Variants in PAX5 observed in about 807,000 individuals in gnomAD.
PAX5 encodes paired box protein Pax-5.
PAX5 carries 9 observed loss-of-function variants against 43.7 expected under a neutral mutation model. That is an observed-to-expected ratio of 0.21 (90% confidence interval 0.12 to 0.36). The LOEUF (loss-of-function observed/expected upper bound fraction) is 0.36. Among genes scored for constraint, PAX5 ranks in the 10% least tolerant of loss-of-function variants. The pLI is 1.00. For synonymous variants in PAX5, 228 were observed against 214.3 expected (o/e 1.06, Z -0.56); for missense variants, 383 against 532.7 (o/e 0.72, Z 2.77).
chr9:37,001,945 G>T (rs1476358680), intron 5 of PAX5, among the ~76,000 whole-genome samples: 1 of 150,978 alleles, frequency 6.6e-6, no homozygotes, highest in Non-Finnish European at 1.5e-5. Context: ...CCCAGTTAAG[G>T]TGTCCGGTGT....
rs1234661279 is a variant in PAX5, at chr9:36,898,035, T to C, written c.911-15930A>G. On this transcript the variant is annotated intron_variant, in intron 7 of 9. Transcript: ENST00000358127. ...TGCCTGTGCCTCGATGAGCCTTGCT[T>C]TACAATCCTGAAAATGGGAACCATG... 2.0e-5 allele frequency among the ~76,000 whole-genome samples: 3 copies of C among 152,196 alleles called. No homozygotes were observed. In the East Asian group the frequency reaches 5.8e-4, roughly 29 times the overall value.
chr9:36,912,453 C>A (rs1829374438), intron 7 of PAX5, among the ~76,000 whole-genome samples: 1 of 152,244 alleles, frequency 6.6e-6, no homozygotes, highest in South Asian at 2.1e-4. Context: ...GGTAATCTGG[C>A]TTCCCTGCTG....
intron 7 of PAX5, among the ~76,000 whole-genome samples, chr9:36,916,520 G>A (rs368338759): frequency 6.6e-6 from 1 of 152,114 alleles, no homozygotes; most frequent in East Asian, 1.9e-4. Flanking sequence ...GGTTACTTCG[G>A]AGGAGTTGGC....
Position 36,988,932 on chromosome 9 carries a change from A to G in PAX5, c.604+13716T>C, listed in dbSNP as rs7037433. On this transcript the variant is annotated intron_variant, in intron 5 of 9. Transcript: ENST00000358127. The stretch of plus-strand genomic sequence containing the variant: ...TGACAGGTGAGGAAATTGAAGCTCA[A>G]AGAAGCTAAAGCCCTTTGCTGTCAA... 6.7e-3 allele frequency among the ~76,000 whole-genome samples: 1,019 copies of G among 152,340 alleles called. 12 individuals carry two copies. The highest frequency in any genetic ancestry group is 0.024 in the African/African-American group (980 of 41,566).
At chr9:36,927,482 GC>G (rs1396572357) in intron 6 of PAX5, among the ~76,000 whole-genome samples, 1 of 152,148 alleles carries the variant, frequency 6.6e-6, no homozygotes, top group Non-Finnish European at 1.5e-5. Flanking sequence ...ATCAAACAAA[GC>G]TCGTTCAGCC....
intron 7 of PAX5, among the ~76,000 whole-genome samples, chr9:36,890,726 C>T (rs1246537218): frequency 6.6e-6 from 1 of 152,194 alleles, no homozygotes; most frequent in East Asian, 1.9e-4. Flanking sequence ...GTGGCCTCCA[C>T]ACTCTTGCCC....
In PAX5 at chr9:36,853,397, G is replaced by T. The variant is rs191361595; in HGVS notation, c.1013-6468C>A. 3.9e-5 allele frequency among the ~76,000 whole-genome samples: 6 copies of T among 152,002 alleles called. No individual in the cohort carries two copies. The East Asian group carries it at 9.7e-4, about 24-fold the overall frequency. Reference sequence around the variant, plus strand: ...GAAAATTCTCTCATACTGAAGAAGGGGGCCTATTGACCAACCGAGAACCCA... The same window carrying T: ...GAAAATTCTCTCATACTGAAGAAGGTGGCCTATTGACCAACCGAGAACCCA... On this transcript the variant is annotated intron_variant, in intron 8 of 9. Transcript: ENST00000358127.
intron 9 of PAX5, among the ~76,000 whole-genome samples, chr9:36,841,624 C>G (rs774749280): frequency 1.3e-5 from 2 of 152,224 alleles, no homozygotes; most frequent in Non-Finnish European, 2.9e-5. Flanking sequence ...GAGTCTGTCC[C>G]CAGTTCCAGC....
chr9:36,963,053 C>T (rs1015978804), intron 6 of PAX5, among the ~76,000 whole-genome samples: 39 of 152,224 alleles, frequency 2.6e-4, no homozygotes, highest in South Asian at 2.1e-4. Flanking sequence ...GATTGGGAAT[C>T]GGGCACGAGG....
rs371301575 is a variant in PAX5 at position 37,029,857 on chromosome 9, G to T, written c.46+4129C>A. On this transcript the variant is annotated intron_variant, in intron 1 of 9. Coordinates refer to ENST00000358127, the MANE Select transcript of PAX5 (RefSeq NM_016734.3). Reference sequence around the variant, plus strand: ...CGGGTGCAGAACCCGAGGCCCAGAGGCAGGATACGACTTGTCCAAAGTCAC... The same window carrying T: ...CGGGTGCAGAACCCGAGGCCCAGAGTCAGGATACGACTTGTCCAAAGTCAC... Among the ~76,000 whole-genome samples the T allele has an allele frequency of 6.8e-4, 104 of 152,326 alleles. 1 individual carries two copies. Among genetic ancestry groups the T allele is most frequent in the Middle Eastern group, 6.8e-3 (2 of 294 alleles).
chr9:36,875,231 T>C (rs1825810625), intron 8 of PAX5, among the ~76,000 whole-genome samples: 1 of 152,248 alleles, frequency 6.6e-6, no homozygotes, highest in Non-Finnish European at 1.5e-5. Context: ...ACAGCAAACC[T>C]AGCGAAGCTC....
intron 7 of PAX5, among the ~76,000 whole-genome samples, chr9:36,898,726 T>C (rs1206669621): frequency 1.3e-5 from 2 of 152,154 alleles, no homozygotes; most frequent in Non-Finnish European, 2.9e-5. Flanking sequence ...GCGTCTTGAT[T>C]GCAGCTCCCG....
chr9:37,002,881 G>A (rs1054129936), intron 4 of PAX5, 105 bp from the exon 5 acceptor site: 4 of 1,371,134 alleles, frequency 2.9e-6, no homozygotes, highest in Non-Finnish European at 3.9e-6. Flanking sequence ...GCGAGCGCAG[G>A]GTGGGCAGGG....
chr9:36,991,167 C>CGAAAA (rs1402121795), intron 5 of PAX5, among the ~76,000 whole-genome samples: 1 of 151,752 alleles, frequency 6.6e-6, no homozygotes. Flanking sequence ...CTCTCCTTTT[C>CGAAAA]CTAAAGCACC....
intron 7 of PAX5, among the ~76,000 whole-genome samples, chr9:36,889,783 G>A (rs1304921000): frequency 1.3e-5 from 2 of 152,170 alleles, no homozygotes; most frequent in African/African-American, 4.8e-5. Flanking sequence ...TCTTCTGAAG[G>A]AACTATGCTT....
At chr9:36,848,547 C>T (rs1306726751) in intron 8 of PAX5, among the ~76,000 whole-genome samples, 1 of 152,192 alleles carries the variant, frequency 6.6e-6, no homozygotes, top group Non-Finnish European at 1.5e-5. Flanking sequence ...CCGGCATATC[C>T]ATCAGCACCA....
At chr9:37,004,753 A>G (rs1564067441) in intron 4 of PAX5, among the ~76,000 whole-genome samples, 2 of 152,198 alleles carry the variant, frequency 1.3e-5, no homozygotes, top group Admixed American at 6.5e-5. Flanking sequence ...AACAACCACC[A>G]TATATAACCA....
At chr9:36,896,771 C>T (rs570722623) in intron 7 of PAX5, among the ~76,000 whole-genome samples, 8 of 152,292 alleles carry the variant, frequency 5.3e-5, no homozygotes, top group South Asian at 4.1e-4. Context: ...GTAATCAGAG[C>T]CCCAAATGGG....
chr9:36,867,335 A>G (rs1425920572), intron 8 of PAX5, among the ~76,000 whole-genome samples: 2 of 152,144 alleles, frequency 1.3e-5, no homozygotes, highest in South Asian at 2.1e-4. Flanking sequence ...GCATCACACA[A>G]TGAAAGCAAT....
Sources: gnomAD v4.1 joint callset for allele counts (sites outside exome capture counted in the v4.1 genomes callset) on GRCh38, gnomAD v4.1.1 for gene constraint, MANE v1.5 for transcripts, NCBI Gene and HGNC (gene_info 2026-07-23, HGNC 2026-07-21) for gene names.